Variants in TEX11 observed in about 807,000 individuals in gnomAD.
The protein encoded by TEX11 is testis expressed 11, also known as testis-expressed protein 11.
TEX11 carries 7 observed loss-of-function variants against 84.4 expected under a neutral mutation model. That is an observed-to-expected ratio of 0.08 (90% CI 0.05 to 0.16). The LOEUF (loss-of-function observed/expected upper bound fraction) is 0.16. Among genes scored for constraint, TEX11 ranks in the 10% least tolerant of loss-of-function variants. The pLI is 1.00. For missense variants in TEX11, 551 were observed against 660.5 expected (o/e 0.83, Z 1.82); for synonymous variants, 264 against 222.8 (o/e 1.18, Z -1.64).
chrX:70,806,463 A>G (rs1178762146), intron 9 of TEX11, among the ~76,000 whole-genome samples: 1 of 110,783 alleles, frequency 9.0e-6, no homozygotes, highest in Non-Finnish European at 1.9e-5. Flanking sequence ...AAAAAAAAGA[A>G]GAAAAAAAGA....
intron 25 of TEX11, among the ~76,000 whole-genome samples, chrX:70,567,475 T>C (rs1485328662): frequency 9.0e-6 from 1 of 111,179 alleles, no homozygotes; most frequent in African/African-American, 3.3e-5. Flanking sequence ...CTTGCTTTTC[T>C]AGTTCTTTTA....
chrX:70,716,742 C>A (rs965624720), intron 13 of TEX11, among the ~76,000 whole-genome samples: 1 of 112,182 alleles, frequency 8.9e-6, no homozygotes, highest in Non-Finnish European at 1.9e-5. Flanking sequence ...TGAGGCCATG[C>A]CTCGCCCTGC....
At chrX:70,767,415 A>C (rs2090947537) in intron 9 of TEX11, among the ~76,000 whole-genome samples, 1 of 111,852 alleles carries the variant, frequency 8.9e-6, no homozygotes, top group African/African-American at 3.2e-5. Flanking sequence ...ATGAGATATC[A>C]TCTCCACTCA....
chrX:70,556,039 T>C (rs1342612414), intron 25 of TEX11, among the ~76,000 whole-genome samples: 1 of 111,872 alleles, frequency 8.9e-6, no homozygotes, highest in Non-Finnish European at 1.9e-5. Context: ...TAGAGGTTTA[T>C]CATTTGTATT....
chrX:70,537,524 G>A (rs1478298355), intron 28 of TEX11, among the ~76,000 whole-genome samples: 1 of 106,739 alleles, frequency 9.4e-6, no homozygotes. Flanking sequence ...AGGAAAGAAG[G>A]GAGGGAAGAA....
At chrX:70,708,336 T>C (rs1252459097) in intron 13 of TEX11, among the ~76,000 whole-genome samples, 1 of 111,906 alleles carries the variant, frequency 8.9e-6, no homozygotes, top group Non-Finnish European at 1.9e-5. Flanking sequence ...GGAACATTTA[T>C]ACACTATTAA....
chrX:70,895,775 G>T (rs753847602), intron 2 of TEX11, among the ~76,000 whole-genome samples: 1 of 111,996 alleles, frequency 8.9e-6, no homozygotes, highest in Non-Finnish European at 1.9e-5. Context: ...ATGGGGAAAG[G>T]ATTCCCTATT....
At chrX:70,588,099 T>C (rs948511986) in intron 25 of TEX11, among the ~76,000 whole-genome samples, 1 of 112,356 alleles carries the variant, frequency 8.9e-6, no homozygotes, top group Non-Finnish European at 1.9e-5. Flanking sequence ...TTTGCTGTTA[T>C]AGGCTTACAG....
chrX:70,737,834 C>A (rs1162094471), intron 11 of TEX11, among the ~76,000 whole-genome samples: 1 of 110,966 alleles, frequency 9.0e-6, no homozygotes, highest in Non-Finnish European at 1.9e-5. Flanking sequence ...GAAATTGCAA[C>A]CCTTGTGCAC....
In TEX11 at chrX:70,760,551, G is replaced by A. The variant is rs948809639; in HGVS notation, c.693-16332C>T. ...TAATTGGTGCTGGGAAAACTGGCTA[G>A]CCATATGTAGAAAGCTGAAACTGGA... On this transcript the variant is annotated intron_variant, in intron 9 of 29. Transcript: ENST00000374333. Among the ~76,000 whole-genome samples the A allele has an allele frequency of 8.1e-5, 9 of 111,779 alleles. No homozygotes were observed. The Admixed American group carries it at 8.5e-4, about 11-fold the overall frequency.
At chrX:70,719,318 A>G (rs1322231967) in intron 13 of TEX11, among the ~76,000 whole-genome samples, 1 of 112,236 alleles carries the variant, frequency 8.9e-6, no homozygotes, top group African/African-American at 3.2e-5. Flanking sequence ...TAACCATTGC[A>G]GAAATATCTT....
At chrX:70,607,827 A>C (rs749824677) in intron 22 of TEX11, among the ~76,000 whole-genome samples, 1 of 112,183 alleles carries the variant, frequency 8.9e-6, no homozygotes, top group Non-Finnish European at 1.9e-5. Flanking sequence ...GTAAAGTAAA[A>C]ACATTCCTTT....
At chrX:70,578,761 C>CTTCTTTTTT (rs2088716551) in intron 25 of TEX11, among the ~76,000 whole-genome samples, 1 of 84,949 alleles carries the variant, frequency 1.2e-5, no homozygotes, top group Admixed American at 1.4e-4. Flanking sequence ...AGAAGTTGAA[C>CTTCTTTTTT]TTCTTTTTTT....
At chrX:70,656,752 A>G (rs1253098320) in intron 16 of TEX11, among the ~76,000 whole-genome samples, 2 of 112,367 alleles carry the variant, frequency 1.8e-5, no homozygotes, top group Non-Finnish European at 3.8e-5. Context: ...GTAGAAATCA[A>G]CTGAATAGCA....
At chrX:70,903,979 C>CTTTT (rs34397286) in intron 2 of TEX11, among the ~76,000 whole-genome samples, 3 of 29,967 alleles carry the variant, frequency 1.0e-4, no homozygotes, top group Non-Finnish European at 1.2e-4. Context: ...CCACATCCAG[C>CTTTT]TTTTTTTTTT....
intron 13 of TEX11, among the ~76,000 whole-genome samples, chrX:70,720,569 C>T (rs1468066848): frequency 1.8e-5 from 2 of 109,322 alleles, no homozygotes; most frequent in Non-Finnish European, 3.8e-5. Flanking sequence ...ACTCAGTAGA[C>T]ACTTTTTTGT....
chrX:70,839,805 G>A (rs1281332059), intron 7 of TEX11, among the ~76,000 whole-genome samples: 2 of 111,875 alleles, frequency 1.8e-5, no homozygotes, highest in Non-Finnish European at 1.9e-5. Flanking sequence ...GGACCTGATG[G>A]AGCTGAAAAC....
At chrX:70,636,509 C>A (rs2147573553) in intron 17 of TEX11, among the ~76,000 whole-genome samples, 1 of 112,007 alleles carries the variant, frequency 8.9e-6, no homozygotes, top group Non-Finnish European at 1.9e-5. Context: ...CTGAGGCCTG[C>A]CCTAGTCCTC....
intron 8 of TEX11, among the ~76,000 whole-genome samples, chrX:70,827,872 A>G (rs1372927190): frequency 8.9e-6 from 1 of 111,926 alleles, no homozygotes; most frequent in Non-Finnish European, 1.9e-5. Context: ...TTCAAGTCTG[A>G]CACAGCACAG....
Sources: gnomAD v4.1 joint callset for allele counts (sites outside exome capture counted in the v4.1 genomes callset) on GRCh38, gnomAD v4.1.1 for gene constraint, MANE v1.5 for transcripts, NCBI Gene and HGNC (gene_info 2026-07-23, HGNC 2026-07-21) for gene names.